Variants in RBFOX1 observed in about 807,000 individuals in gnomAD.
RBFOX1 encodes the protein RNA binding fox-1 homolog 1, also known as RNA binding protein fox-1 homolog 1.
RBFOX1 carries 8 observed loss-of-function variants against 57.7 expected under a neutral mutation model. That is an observed-to-expected ratio of 0.14 (90% confidence interval 0.08 to 0.25). RBFOX1 has a LOEUF of 0.25. RBFOX1 is among the 10% of genes least tolerant of loss of function. The pLI, the probability that RBFOX1 is intolerant of heterozygous loss-of-function variation, is 1.00. For synonymous variants in RBFOX1, 326 were observed against 222.4 expected (o/e 1.47, Z -4.15); for missense variants, 611 against 548.5 (o/e 1.11, Z -1.14).
intron 3 of RBFOX1, among the ~76,000 whole-genome samples, chr16:6,935,461 A>T (rs563795288): frequency 6.6e-6 from 1 of 152,334 alleles, no homozygotes; most frequent in African/African-American, 2.4e-5. Flanking sequence ...TTCTTTTGCA[A>T]TAATGAATGA....
chr16:6,495,452 G>C (rs922171533), intron 2 of RBFOX1, among the ~76,000 whole-genome samples: 2 of 149,220 alleles, frequency 1.3e-5, no homozygotes, highest in Non-Finnish European at 1.5e-5. Context: ...ATAAGATGAT[G>C]TCCCCACTTT....
At chr16:5,546,564 CAAAT>C (rs1231001658) in intron 2 of RBFOX1, among the ~76,000 whole-genome samples, 2 of 152,106 alleles carry the variant, frequency 1.3e-5, no homozygotes, top group African/African-American at 4.8e-5. Context: ...CATGTGCAAA[CAAAT>C]GAATTCCAAT....
chr16:5,600,133 C>CAAAAAAAAAA (rs35222906), exon 3 of RBFOX1: 2 of 99,748 alleles, frequency 2.0e-5, no homozygotes, highest in Non-Finnish European at 2.2e-5. Flanking sequence ...ACTAAAAATA[C>CAAAAAAAAAA]AAAAAAAAAA....
At chr16:5,608,183 A>C (rs2047654620) in intron 3 of RBFOX1, among the ~76,000 whole-genome samples, 1 of 152,174 alleles carries the variant, frequency 6.6e-6, no homozygotes, top group African/African-American at 2.4e-5. Context: ...ATACCTTGTG[A>C]ATTGTCATAA....
At chr16:7,605,010 T>A (rs1227954136) in intron 9 of RBFOX1, among the ~76,000 whole-genome samples, 1 of 152,162 alleles carries the variant, frequency 6.6e-6, no homozygotes, top group East Asian at 1.9e-4. Context: ...TGACCCCATA[T>A]AGAGTTTACA....
chr16:7,061,669 T>G (rs1365020340), intron 4 of RBFOX1, among the ~76,000 whole-genome samples: 1 of 152,152 alleles, frequency 6.6e-6, no homozygotes, highest in Non-Finnish European at 1.5e-5. Context: ...CATGCCCCTT[T>G]CCAGGGAAAA....
intron 3 of RBFOX1, among the ~76,000 whole-genome samples, chr16:5,788,116 T>C (rs1190299391): frequency 1.3e-5 from 2 of 152,226 alleles, no homozygotes; most frequent in African/African-American, 2.4e-5. Context: ...GAGATTCGAC[T>C]GCTGAAAACA....
chr16:5,851,136 C>G (rs1048639373), intron 3 of RBFOX1, among the ~76,000 whole-genome samples: 1 of 152,134 alleles, frequency 6.6e-6, no homozygotes, highest in East Asian at 1.9e-4. Context: ...ACAATCAGCC[C>G]AAAATTCTGG....
chr16:5,477,553 A>G (rs988464315), intron 2 of RBFOX1, among the ~76,000 whole-genome samples: 5 of 152,182 alleles, frequency 3.3e-5, no homozygotes, highest in East Asian at 1.9e-4. Flanking sequence ...CTCTTAATCT[A>G]CAAGAAGCTG....
At chr16:5,951,913 G>A (rs918477319) in intron 4 of RBFOX1, among the ~76,000 whole-genome samples, 5 of 151,674 alleles carry the variant, frequency 3.3e-5, no homozygotes, top group African/African-American at 1.2e-4. Flanking sequence ...TACTCTCAAG[G>A]TGTAGACTAA....
chr16:7,361,961 G>A (rs999182037), intron 4 of RBFOX1, among the ~76,000 whole-genome samples: 3 of 151,830 alleles, frequency 2.0e-5, no homozygotes, highest in African/African-American at 7.3e-5. Context: ...TTGTGTGTAT[G>A]TTTGTGTGTA....
chr16:6,513,412 A>T (rs552349584), intron 2 of RBFOX1, among the ~76,000 whole-genome samples: 2 of 152,268 alleles, frequency 1.3e-5, no homozygotes, highest in South Asian at 4.1e-4. Flanking sequence ...GAGAGAGCAC[A>T]TTGGACTCAT....
At chr16:5,714,769 A>G (rs2051625589) in intron 3 of RBFOX1, among the ~76,000 whole-genome samples, 1 of 152,228 alleles carries the variant, frequency 6.6e-6, no homozygotes, top group Non-Finnish European at 1.5e-5. Flanking sequence ...GTGATTTATC[A>G]CTATAATCAT....
intron 3 of RBFOX1, among the ~76,000 whole-genome samples, chr16:7,040,279 A>G (rs977711313): frequency 6.6e-6 from 1 of 152,004 alleles, no homozygotes; most frequent in Non-Finnish European, 1.5e-5. Flanking sequence ...TCAGCCTCCC[A>G]AAGTGCTGGG....
intron 3 of RBFOX1, among the ~76,000 whole-genome samples, chr16:6,940,441 C>G (rs113263221): frequency 6.6e-6 from 1 of 152,158 alleles, no homozygotes; most frequent in Non-Finnish European, 1.5e-5. Flanking sequence ...TCTCTGTCCA[C>G]ACAGCAAAAA....
intron 1 of RBFOX1, among the ~76,000 whole-genome samples, chr16:6,218,201 C>A (rs987404584): frequency 1.3e-5 from 2 of 152,152 alleles, no homozygotes; most frequent in Non-Finnish European, 2.9e-5. Context: ...AATGCCTGCC[C>A]ATTCTCCTTG....
Position 7,490,190 on chromosome 16 carries a change from T to C in RBFOX1, c.28-27957T>C, listed in dbSNP as rs189247475. On this transcript the variant is annotated intron_variant, in intron 4 of 15. Transcript: ENST00000550418. ...GGCAGAAATGTCTGATTTGACGTTT[T>C]CCCCCCCTTGTTCAAGGCAGATGCT... Among the ~76,000 whole-genome samples the C allele has an allele frequency of 2.4e-4, 37 of 152,164 alleles. No homozygotes were observed. The East Asian group carries it at 3.9e-3, about 16-fold the overall frequency.
At chr16:5,646,269 C>T (rs1325560843) in intron 3 of RBFOX1, among the ~76,000 whole-genome samples, 1 of 151,326 alleles carries the variant, frequency 6.6e-6, no homozygotes, top group African/African-American at 2.4e-5. Flanking sequence ...TTGTGATCCG[C>T]CTTCCTCGGC....
chr16:5,549,624 T>C (rs1235367557), intron 2 of RBFOX1, among the ~76,000 whole-genome samples: 3 of 152,146 alleles, frequency 2.0e-5, no homozygotes, highest in Non-Finnish European at 2.9e-5. Flanking sequence ...TGGGAAAAAT[T>C]GGGTTGGGGC....
Sources: gnomAD v4.1 joint callset for allele counts (sites outside exome capture counted in the v4.1 genomes callset) on GRCh38, gnomAD v4.1.1 for gene constraint, MANE v1.5 for transcripts, NCBI Gene and HGNC (gene_info 2026-07-23, HGNC 2026-07-21) for gene names.